Variants in PTPRD observed in about 807,000 individuals in gnomAD.
PTPRD encodes protein tyrosine phosphatase receptor type D, also known as receptor-type tyrosine-protein phosphatase delta.
A neutral mutation model predicts 214.5 loss-of-function variants in PTPRD; 34 were observed. The observed-to-expected ratio is 0.16, with a 90% CI of 0.12 to 0.21. The LOEUF (loss-of-function observed/expected upper bound fraction) is 0.21, where lower values mean the gene tolerates loss of function less well. Among genes scored for constraint, PTPRD ranks in the 10% least tolerant of loss-of-function variants. The pLI, the probability that PTPRD is intolerant of heterozygous loss-of-function variation, is 1.00. For synonymous variants in PTPRD, 1,128 were observed against 845.7 expected, an observed-to-expected ratio of 1.33 and a Z score of -5.79; for missense variants, 2,545 against 2,398.7, an observed-to-expected ratio of 1.06 and a Z score of -1.27.
At chr9:10,591,363 C>A (rs2075397178) in intron 2 of PTPRD, among the ~76,000 whole-genome samples, 1 of 152,018 alleles carries the variant, frequency 6.6e-6, no homozygotes, top group Non-Finnish European at 1.5e-5. Flanking sequence ...GTACTACTGG[C>A]ACGTGTTTTG....
intron 2 of PTPRD, among the ~76,000 whole-genome samples, chr9:10,570,830 A>G (rs1365933784): frequency 6.6e-6 from 1 of 151,172 alleles, no homozygotes; most frequent in Non-Finnish European, 1.5e-5. Flanking sequence ...ACTATCTCCT[A>G]TGTCGTCAGT....
At chr9:9,487,953 T>A (rs755929680) in intron 8 of PTPRD, among the ~76,000 whole-genome samples, 1 of 152,202 alleles carries the variant, frequency 6.6e-6, no homozygotes, top group Non-Finnish European at 1.5e-5. Context: ...AATAATAGCT[T>A]GAAATTAAAT....
intron 11 of PTPRD, among the ~76,000 whole-genome samples, chr9:9,009,013 G>C (rs1351319016): frequency 6.6e-6 from 1 of 152,078 alleles, no homozygotes; most frequent in African/African-American, 2.4e-5. Flanking sequence ...AACAGCTTCA[G>C]ATGAAATCTA....
chr9:10,234,931 T>C (rs2099624058), intron 3 of PTPRD, among the ~76,000 whole-genome samples: 1 of 151,908 alleles, frequency 6.6e-6, no homozygotes, highest in Admixed American at 6.6e-5. Flanking sequence ...AACAAGATTA[T>C]AATAGTTATA....
At chr9:9,761,599 T>C (rs1466830644) in intron 6 of PTPRD, among the ~76,000 whole-genome samples, 1 of 152,150 alleles carries the variant, frequency 6.6e-6, no homozygotes, top group Non-Finnish European at 1.5e-5. Context: ...TCAATTTCAA[T>C]ATGCTGGTTG....
chr9:9,064,526 A>AAGG (rs2099720920), intron 10 of PTPRD, among the ~76,000 whole-genome samples: 1 of 152,170 alleles, frequency 6.6e-6, no homozygotes, highest in African/African-American at 2.4e-5. Context: ...CAAACATTTC[A>AAGG]AGGTCAGACT....
intron 5 of PTPRD, among the ~76,000 whole-genome samples, chr9:9,773,903 T>A (rs1565158024): frequency 6.6e-6 from 1 of 152,224 alleles, no homozygotes; most frequent in East Asian, 1.9e-4. Flanking sequence ...TGATTTTCTT[T>A]ATTCTGCATC....
chr9:9,391,808 T>C (rs2065930586), intron 9 of PTPRD, among the ~76,000 whole-genome samples: 1 of 152,302 alleles, frequency 6.6e-6, no homozygotes, highest in African/African-American at 2.4e-5. Context: ...TTCTATTCTG[T>C]GTTAAGAAAA....
At chr9:9,250,742 C>T (rs568593758) in intron 9 of PTPRD, among the ~76,000 whole-genome samples, 1 of 151,838 alleles carries the variant, frequency 6.6e-6, no homozygotes, top group African/African-American at 2.4e-5. Flanking sequence ...ACAGCAAAAA[C>T]CAAACCAAAA....
rs932281109 is a variant in PTPRD, at chr9:9,369,792, G to T, written c.-203+27657C>A. 2.8e-4 allele frequency among the ~76,000 whole-genome samples: 43 copies of T among 152,120 alleles called. 1 individual carries two copies. The highest frequency in any genetic ancestry group is 4.4e-5 in the Non-Finnish European group (3 of 68,034). On this transcript the variant is annotated intron_variant, in intron 9 of 45. Coordinates refer to ENST00000381196, the MANE Select transcript of PTPRD (RefSeq NM_002839.4). ...CATCTTGAATTAATTTTTGTATAAG[G>T]TGTAAGGAAGGGATCCAGTTTCAGC...
chr9:10,316,213 G>A (rs1395675289), intron 3 of PTPRD, among the ~76,000 whole-genome samples: 3 of 148,760 alleles, frequency 2.0e-5, no homozygotes, highest in African/African-American at 4.9e-5. Flanking sequence ...ACACATATAT[G>A]ATAAAGACGA....
chr9:9,808,067 T>A (rs1598401314), intron 5 of PTPRD, among the ~76,000 whole-genome samples: 1 of 152,174 alleles, frequency 6.6e-6, no homozygotes, highest in African/African-American at 2.4e-5. Flanking sequence ...CTATCCAGCT[T>A]GAGAATATAT....
intron 44 of PTPRD, among the ~76,000 whole-genome samples, chr9:8,327,958 C>G (rs1194436722): frequency 1.1e-5 from 1 of 89,556 alleles, no homozygotes; most frequent in African/African-American, 5.1e-5. Context: ...TGGGTCTTCA[C>G]TCCTCTTTAT....
At chr9:9,377,634 C>G (rs1041725462) in intron 9 of PTPRD, among the ~76,000 whole-genome samples, 4 of 152,076 alleles carry the variant, frequency 2.6e-5, no homozygotes, top group Admixed American at 2.6e-4. Context: ...AAAACTAAAG[C>G]TTCTGGAATG....
intron 5 of PTPRD, among the ~76,000 whole-genome samples, chr9:9,869,334 C>T (rs969983918): frequency 6.6e-6 from 1 of 152,070 alleles, no homozygotes; most frequent in African/African-American, 2.4e-5. Flanking sequence ...ACTAATAAAA[C>T]AATGTGGTTA....
At chr9:8,767,573 C>T (rs532521813) in intron 11 of PTPRD, among the ~76,000 whole-genome samples, 3 of 152,234 alleles carry the variant, frequency 2.0e-5, no homozygotes, top group Admixed American at 6.5e-5. Flanking sequence ...GTGCACCATA[C>T]GTTGAGTCAT....
intron 30 of PTPRD, among the ~76,000 whole-genome samples, chr9:8,473,976 C>A (rs2096712127): frequency 6.6e-6 from 1 of 152,194 alleles, no homozygotes; most frequent in African/African-American, 2.4e-5. Flanking sequence ...ACTGTGCTCT[C>A]TGCAACTATA....
intron 2 of PTPRD, among the ~76,000 whole-genome samples, chr9:10,412,734 C>T (rs1234327897): frequency 6.6e-6 from 1 of 151,602 alleles, no homozygotes; most frequent in Non-Finnish European, 1.5e-5. Flanking sequence ...AAACTGAATC[C>T]AGCAACACAT....
chr9:9,704,752 T>C (rs1411160598), intron 7 of PTPRD, among the ~76,000 whole-genome samples: 1 of 152,214 alleles, frequency 6.6e-6, no homozygotes, highest in Non-Finnish European at 1.5e-5. Flanking sequence ...AGTGCTCTTG[T>C]TGACAGTCCC....
Sources: gnomAD v4.1 joint callset for allele counts (sites outside exome capture counted in the v4.1 genomes callset) on GRCh38, gnomAD v4.1.1 for gene constraint, MANE v1.5 for transcripts, NCBI Gene and HGNC (gene_info 2026-07-23, HGNC 2026-07-21) for gene names.